The following FZD9 variants were observed in gnomAD, a reference collection of about 807,000 sequenced individuals.
FZD9 encodes the protein frizzled-9.
Under a neutral mutation model 29.9 loss-of-function variants are expected in FZD9, and 29 were observed. That is an observed-to-expected ratio of 0.97 (90% CI 0.72 to 1.32). FZD9 has a LOEUF of 1.32. Ranked by LOEUF, FZD9 falls within the 40% of genes most tolerant of loss-of-function variation. The pLI is 0.00. For missense variants in FZD9, 822 were observed against 857.8 expected (o/e 0.96, Z 0.52); for synonymous variants, 384 against 393.9 (o/e 0.97, Z 0.30).
At position 73,435,455 on chromosome 7, in the gene FZD9, A is replaced by T. The variant is rs782684299; in HGVS notation, c.1448A>T (p.Gln483Leu). The change falls in exon 1 of 1, where the codon CAG (glutamine) becomes CTG (leucine). Residue 483 changes from glutamine to leucine, a missense_variant. Gln to Leu is a moderately radical substitution (Grantham distance 113). Transcript: ENST00000344575. Reference sequence around the variant, plus strand: ...TTCTGGCGCCTTCGGGCCACAGAGCAGCCATGCGCAGCGGCCGCGGGGCCC... The same window carrying T: ...TTCTGGCGCCTTCGGGCCACAGAGCTGCCATGCGCAGCGGCCGCGGGGCCC... The part of the protein sequence containing the change: ...MDFWRLRATE[Q>L]PCAAAAGPGG... The T allele has an allele frequency of 3.1e-6, 5 of 1,613,322 alleles. No homozygotes were observed. In the Admixed American group the frequency reaches 8.3e-5, roughly 27 times the overall value.
rs1217689403 is a variant in FZD9, at chr7:73,436,010, T to A, written c.*227T>A. 9 of 510,894 alleles carry A rather than the reference T, an allele frequency of 1.8e-5. No individual in the cohort carries two copies. The highest frequency in any genetic ancestry group is 2.4e-5 in the Non-Finnish European group (7 of 286,090). The allele number at this position is 510,894 out of a possible 1,614,324, so 31.6% of individuals were successfully genotyped here. A position where few individuals can be genotyped will look rare whatever the true frequency, so the allele number is the denominator to read the frequency against. ...AGGCTGAGTCCCCACAGGGTCCTAGTGGAGGATGTGGAGGGGCGGGGCAGA... is the reference window on the plus strand; with the variant it reads ...AGGCTGAGTCCCCACAGGGTCCTAGAGGAGGATGTGGAGGGGCGGGGCAGA... On this transcript the variant is annotated 3_prime_UTR_variant, in exon 1 of 1. Transcript: ENST00000344575.
chr7:73,435,446 C>T lies in FZD9; in HGVS notation c.1439C>T (p.Ala480Val), dbSNP rs1166467049. The T allele has an allele frequency of 3.1e-6, 5 of 1,613,536 alleles. No homozygotes were observed. The African/African-American group carries it at 5.3e-5, about 17-fold the overall frequency. Residue 480 changes from alanine to valine, a missense_variant, in exon 1 of 1, where the codon GCC becomes GTC. Transcript: ENST00000344575. ...RLNMDFWRLR[A>V]TEQPCAAAAG... Reference sequence around the variant, plus strand: ...AACATGGACTTCTGGCGCCTTCGGGCCACAGAGCAGCCATGCGCAGCGGCC... The same window carrying T: ...AACATGGACTTCTGGCGCCTTCGGGTCACAGAGCAGCCATGCGCAGCGGCC...
In FZD9 at chr7:73,434,130, G is replaced by A. The variant is rs138518770; in HGVS notation, c.123G>A (p.Ala41=). The A allele has an allele frequency of 3.9e-6, 6 of 1,532,274 alleles. No individual in the cohort carries two copies. The highest frequency in any genetic ancestry group is 5.2e-6 in the Non-Finnish European group (6 of 1,148,316). The allele number at this position is 1,532,274 out of a possible 1,614,324, so 94.9% of individuals were successfully genotyped here. A position where few individuals can be genotyped will look rare whatever the true frequency, so the allele number is the denominator to read the frequency against. Residue 41 remains alanine, a synonymous_variant, in exon 1 of 1, where the codon GCG becomes GCA. Coordinates refer to ENST00000344575, the MANE Select transcript of FZD9 (RefSeq NM_003508.3). ...GGCGCGGGGCTGCGCCGTGCCAGGC[G>A]GTGGAGATCCCCATGTGCCGCGGCA... ...ERGRGAAPCQ[A]VEIPMCRGIG...
In FZD9 at chr7:73,434,457, G is replaced by T. The variant is rs782541209; in HGVS notation, c.450G>T (p.Ala150=). 1 of 1,529,026 alleles carries T rather than the reference G, an allele frequency of 6.5e-7. No homozygotes were observed. Among genetic ancestry groups the T allele is most frequent in the Non-Finnish European group, 8.7e-7 (1 of 1,146,706 alleles). The allele number at this position is 1,529,026 out of a possible 1,614,324, so 94.7% of individuals were successfully genotyped here. ...ARLPTRNDPH[A]LCMEAPENAT... is the part of the protein sequence containing the mutation. ...TGCCCACGCGCAACGACCCGCACGC[G>T]CTGTGCATGGAGGCGCCCGAGAACG... The change falls in exon 1 of 1, where the codon GCG becomes GCT. Residue 150 remains alanine (A), a synonymous_variant. Coordinates refer to ENST00000344575, the MANE Select transcript of FZD9 (RefSeq NM_003508.3).
Position 73,435,454 on chromosome 7 carries a change from C to T in FZD9, c.1447C>T (p.Gln483Ter). The T allele has an allele frequency of 1.2e-6, 2 of 1,613,246 alleles. No individual in the cohort carries two copies. Among genetic ancestry groups the T allele is most frequent in the East Asian group, 4.5e-5 (2 of 44,878 alleles). The change falls in exon 1 of 1, where the codon CAG becomes TAG. Residue 483 changes from glutamine (Q) to a stop codon, truncating the protein, a stop_gained. Coordinates refer to ENST00000344575, the MANE Select transcript of FZD9 (RefSeq NM_003508.3). LOFTEE classifies it high-confidence loss of function. Reference sequence around the variant, plus strand: ...CTTCTGGCGCCTTCGGGCCACAGAGCAGCCATGCGCAGCGGCCGCGGGGCC... The same window carrying T: ...CTTCTGGCGCCTTCGGGCCACAGAGTAGCCATGCGCAGCGGCCGCGGGGCC... ...MDFWRLRATE[Q>*]PCAAAAGPGG...
At position 73,433,995 on chromosome 7, in the gene FZD9, C is replaced by G. The variant is rs1296935432; in HGVS notation, c.-13C>G. 1.2e-5 allele frequency: 14 copies of G among 1,202,714 alleles called. No homozygotes were observed. Among genetic ancestry groups the G allele is most frequent in the Middle Eastern group, 6.6e-4 (2 of 3,044 alleles). The allele number at this position is 1,202,714 out of a possible 1,614,324, so 74.5% of individuals were successfully genotyped here. On this transcript the variant is annotated 5_prime_UTR_variant, in exon 1 of 1. Coordinates refer to ENST00000344575, the MANE Select transcript of FZD9 (RefSeq NM_003508.3). ...CGGGGCCGCGCTCCCGCCTTCGGCC[C>G]GGGCCTCCCGGGATGGCCGTGGCGC...
chr7:73,435,750 G>A lies in FZD9; in HGVS notation c.1743G>A (p.Thr581=), dbSNP rs144706232. The change falls in exon 1 of 1, where the codon ACG becomes ACA. Residue 581 remains threonine, a synonymous_variant. Coordinates refer to ENST00000344575, the MANE Select transcript of FZD9 (RefSeq NM_003508.3). ...APTVVLHMTK[T]DPSLENPTHL is the part of the protein sequence containing the mutation. ...CCGTGGTCTTGCACATGACTAAGACGGACCCCTCTTTGGAGAACCCCACAC... is the reference window on the plus strand; with the variant it reads ...CCGTGGTCTTGCACATGACTAAGACAGACCCCTCTTTGGAGAACCCCACAC... The A allele has an allele frequency of 1.5e-4, 242 of 1,601,524 alleles. No individual in the cohort carries two copies. In the African/African-American group the frequency reaches 2.5e-3, roughly 16 times the overall value.
chr7:73,434,255 G>A lies in FZD9; in HGVS notation c.248G>A (p.Gly83Asp). The change falls in exon 1 of 1, where the codon GGC becomes GAC. Residue 83 changes from glycine (G) to aspartate (D), a missense_variant. Gly to Asp is a moderately conservative substitution (Grantham distance 94). Transcript: ENST00000344575. The part of the protein sequence containing the change: ...LAEFAPLVQY[G>D]CHSHLRFFLC... The stretch of plus-strand genomic sequence containing the variant: ...GAGTTCGCGCCGCTGGTGCAGTACG[G>A]CTGCCACAGCCACCTGCGCTTCTTC... The A allele has an allele frequency of 6.3e-7, 1 of 1,587,452 alleles. No homozygotes were observed. Among genetic ancestry groups the A allele is most frequent in the Non-Finnish European group, 8.5e-7 (1 of 1,173,874 alleles).
chr7:73,434,796 C>T lies in FZD9; in HGVS notation c.789C>T (p.Pro263=), dbSNP rs1360270976. Residue 263 remains proline, a synonymous_variant, in exon 1 of 1, where the codon CCC becomes CCT. Coordinates refer to ENST00000344575, the MANE Select transcript of FZD9 (RefSeq NM_003508.3). ...TGGAGCCCCACCGCTTCCAGTACCCCGAGCGCCCCATCATCTTCCTCTCCA... is the reference window on the plus strand; with the variant it reads ...TGGAGCCCCACCGCTTCCAGTACCCTGAGCGCCCCATCATCTTCCTCTCCA... ...FLLEPHRFQY[P]ERPIIFLSMC... The T allele has an allele frequency of 1.2e-6, 2 of 1,612,798 alleles. No individual in the cohort carries two copies. The highest frequency in any genetic ancestry group is 1.3e-5 in the African/African-American group (1 of 74,936).
rs782429594 is a variant in FZD9 at position 73,435,559 on chromosome 7, C to G, written c.1552C>G (p.Leu518Val). 4 of 1,613,418 alleles carry G rather than the reference C, an allele frequency of 2.5e-6. No individual in the cohort carries two copies. In the Admixed American group the frequency reaches 5.0e-5, roughly 20 times the overall value. The change falls in exon 1 of 1, where the codon CTG (leucine) becomes GTG (valine). Residue 518 changes from leucine to valine, a missense_variant. By Grantham distance (32) the Leu-to-Val change is conservative. Transcript: ENST00000344575. ...CTTCATGCTCAAAATTTTCATGTCA[C>G]TGGTGGTGGGGATCACCAGCGGCGT... ...AVFMLKIFMSLVVGITSGVWV... is the reference protein window; with the variant it reads ...AVFMLKIFMSVVVGITSGVWV...
chr7:73,433,920 C>G lies in FZD9; in HGVS notation c.-88C>G. The G allele has an allele frequency of 5.8e-6, 6 of 1,030,268 alleles. No homozygotes were observed. The highest frequency in any genetic ancestry group is 7.1e-6 in the Non-Finnish European group (6 of 849,820). The allele number at this position is 1,030,268 out of a possible 1,614,324, so 63.8% of individuals were successfully genotyped here. A position where few individuals can be genotyped will look rare whatever the true frequency, so the allele number is the denominator to read the frequency against. On this transcript the variant is annotated 5_prime_UTR_variant, in exon 1 of 1. Transcript: ENST00000344575. ...CGGCTCAGCGATGGCCCGCGCCCCGCGACGTGGCGGGCAGGCACCGGGGCG... is the reference window on the plus strand; with the variant it reads ...CGGCTCAGCGATGGCCCGCGCCCCGGGACGTGGCGGGCAGGCACCGGGGCG...
rs1554563492 is a variant in FZD9 at position 73,434,994 on chromosome 7, C to A, written c.987C>A (p.Leu329=). The part of the protein sequence containing the change: ...LLYYFGMASS[L]WWVVLTLTWF... ...ACTACTTCGGCATGGCCAGCTCGCTCTGGTGGGTGGTCCTGACGCTCACCT... is the reference window on the plus strand; with the variant it reads ...ACTACTTCGGCATGGCCAGCTCGCTATGGTGGGTGGTCCTGACGCTCACCT... Residue 329 remains leucine, a synonymous_variant, in exon 1 of 1, where the codon CTC becomes CTA. Coordinates refer to ENST00000344575, the MANE Select transcript of FZD9 (RefSeq NM_003508.3). The A allele has an allele frequency of 6.2e-7, 1 of 1,614,088 alleles. No homozygotes were observed. Among genetic ancestry groups the A allele is most frequent in the South Asian group, 1.1e-5 (1 of 91,088 alleles).
In FZD9 at chr7:73,434,326, C is replaced by A. The variant is rs782704580; in HGVS notation, c.319C>A (p.Pro107Thr). ...APMCTDQVST[P>T]IPACRPMCEQ... ...CATGTGCACCGACCAGGTCTCGACG[C>A]CCATTCCCGCCTGCCGGCCCATGTG... Residue 107 changes from proline to threonine, a missense_variant, in exon 1 of 1, where the codon CCC becomes ACC. Pro to Thr is a conservative substitution (Grantham distance 38). Transcript: ENST00000344575. The A allele has an allele frequency of 1.3e-5, 21 of 1,583,906 alleles. No individual in the cohort carries two copies. Among genetic ancestry groups the A allele is most frequent in the Non-Finnish European group, 1.8e-5 (21 of 1,172,428 alleles).
Position 73,435,465 on chromosome 7 carries a change from A to G in FZD9, c.1458A>G (p.Ala486=). 1 of 1,613,058 alleles carries G rather than the reference A, an allele frequency of 6.2e-7. No homozygotes were observed. Residue 486 remains alanine (A), a synonymous_variant, in exon 1 of 1, where the codon GCA becomes GCG. Transcript: ENST00000344575. ...WRLRATEQPC[A]AAAGPGGRRD... ...TTCGGGCCACAGAGCAGCCATGCGC[A>G]GCGGCCGCGGGGCCCGGAGGCCGGA...
Position 73,435,801 on chromosome 7 carries a change from G to T in FZD9, c.*18G>T. 1.3e-6 allele frequency: 2 copies of T among 1,551,418 alleles called. No homozygotes were observed. The highest frequency in any genetic ancestry group is 1.7e-6 in the Non-Finnish European group (2 of 1,146,202). Reference sequence around the variant, plus strand: ...ACCTCTAGCCACACAGGCCTGGCGCGGGGTGGCTGCTGCCCCCTCCTTGCC... The same window carrying T: ...ACCTCTAGCCACACAGGCCTGGCGCTGGGTGGCTGCTGCCCCCTCCTTGCC... On this transcript the variant is annotated 3_prime_UTR_variant, in exon 1 of 1. Transcript: ENST00000344575.
At position 73,435,507 on chromosome 7, in the gene FZD9, A is replaced by AG; in HGVS notation, c.1505dup (p.Ser503LeufsTer68). 6.2e-7 allele frequency: 1 copy of AG among 1,613,092 alleles called. No homozygotes were observed. The highest frequency in any genetic ancestry group is 1.3e-5 in the African/African-American group (1 of 75,046). ...GAGGCCGGAGGGACTGCTCGCTGCCAGGGGGCTCGGTGCCCACCGTGGCGG... is the reference window on the plus strand; with the variant it reads ...GAGGCCGGAGGGACTGCTCGCTGCCAGGGGGGCTCGGTGCCCACCGTGGCGG... On this transcript the variant is annotated frameshift_variant, in exon 1 of 1. Transcript: ENST00000344575. LOFTEE classifies it high-confidence loss of function.
Position 73,435,490 on chromosome 7 carries a change from A to C in FZD9, c.1483A>C (p.Arg495=). ...AGCGGCCGCGGGGCCCGGAGGCCGG[A>C]GGGACTGCTCGCTGCCAGGGGGCTC... The part of the protein sequence containing the change: ...CAAAAGPGGR[R]DCSLPGGSVP... Residue 495 remains arginine, a synonymous_variant, in exon 1 of 1, where the codon AGG becomes CGG. Coordinates refer to ENST00000344575, the MANE Select transcript of FZD9 (RefSeq NM_003508.3). The C allele has an allele frequency of 6.2e-7, 1 of 1,612,890 alleles. No homozygotes were observed. Among genetic ancestry groups the C allele is most frequent in the Non-Finnish European group, 8.5e-7 (1 of 1,179,604 alleles).
rs1554563563 is a variant in FZD9 at position 73,435,295 on chromosome 7, A to T, written c.1288A>T (p.Ile430Phe). The change falls in exon 1 of 1, where the codon ATC (isoleucine) becomes TTC (phenylalanine). Residue 430 changes from isoleucine (I) to phenylalanine (F), a missense_variant. By Grantham distance (21) the Ile-to-Phe change is conservative. Coordinates refer to ENST00000344575, the MANE Select transcript of FZD9 (RefSeq NM_003508.3). Reference sequence around the variant, plus strand: ...CGTGGCCCTCTTCCACATCCGCAAGATCATGAAGACGGGCGGCACCAACAC... The same window carrying T: ...CGTGGCCCTCTTCCACATCCGCAAGTTCATGAAGACGGGCGGCACCAACAC... ...GFVALFHIRK[I>F]MKTGGTNTEK... The T allele has an allele frequency of 3.1e-6, 5 of 1,613,892 alleles. No homozygotes were observed. Among genetic ancestry groups the T allele is most frequent in the South Asian group, 2.2e-5 (2 of 91,060 alleles).
Position 73,435,634 on chromosome 7 carries a change from C to A in FZD9, c.1627C>A (p.Arg543Ser). The A allele has an allele frequency of 1.2e-6, 2 of 1,613,168 alleles. No individual in the cohort carries two copies. The highest frequency in any genetic ancestry group is 1.7e-6 in the Non-Finnish European group (2 of 1,179,864). ...CCAGACCTGGCAGAGCCTGTGCTAC[C>A]GCAAGATAGCAGCTGGCCGGGCCCG... ...TFQTWQSLCY[R>S]KIAAGRARAK... The change falls in exon 1 of 1, where the codon CGC becomes AGC. Residue 543 changes from arginine (R) to serine (S), a missense_variant. Arg to Ser is a moderately radical substitution (Grantham distance 110). Coordinates refer to ENST00000344575, the MANE Select transcript of FZD9 (RefSeq NM_003508.3).
Sources: gnomAD v4.1 joint callset for allele counts on GRCh38, gnomAD v4.1.1 for gene constraint, MANE v1.5 for transcripts, NCBI Gene and HGNC (gene_info 2026-07-23, HGNC 2026-07-21) for gene names.